The following NIPA1 variants were observed in gnomAD, a reference collection of about 807,000 sequenced individuals.
NIPA1 encodes magnesium transporter NIPA1.
Under a neutral mutation model 23.9 loss-of-function variants are expected in NIPA1, and 13 were observed. That is an observed-to-expected ratio of 0.54 (90% CI 0.35 to 0.87). NIPA1 has a LOEUF of 0.87. Ranked by LOEUF, NIPA1 falls within the 40% of genes least tolerant of loss-of-function variation. The probability of loss-of-function intolerance (pLI) is 0.01; values close to 1 mark genes in which losing one functional copy is unlikely to be tolerated. For synonymous variants in NIPA1, 234 were observed against 202.9 expected (o/e 1.15, Z -1.30); for missense variants, 362 against 429.7 (o/e 0.84, Z 1.39).
Position 22,827,490 on chromosome 15 carries a change from T to C in NIPA1, c.*3251T>C, listed in dbSNP as rs928924454. On this transcript the variant is annotated 3_prime_UTR_variant, in exon 5 of 5. Transcript: ENST00000337435. Reference sequence around the variant, plus strand: ...GGAGGAATTTGGTATTCTGGTGGCCTTGCTCAGCTCTCATTGAGATCTTTT... The same window carrying C: ...GGAGGAATTTGGTATTCTGGTGGCCCTGCTCAGCTCTCATTGAGATCTTTT... The C allele has an allele frequency of 6.6e-6, 1 of 152,258 alleles. No homozygotes were observed. The highest frequency in any genetic ancestry group is 1.5e-5 in the Non-Finnish European group (1 of 68,070). The allele number at this position is 152,258 out of a possible 1,614,324, so 9.4% of individuals were successfully genotyped here.
At chr15:22,821,040 C>T (rs1391602245) in intron 4 of NIPA1, among the ~76,000 whole-genome samples, 11 of 150,650 alleles carry the variant, frequency 7.3e-5, no homozygotes, top group African/African-American at 2.2e-4. Flanking sequence ...TGCAGTGGCG[C>T]GATCTCAGCT....
chr15:22,823,932 G>T lies in NIPA1; in HGVS notation c.683G>T (p.Cys228Phe), dbSNP rs1895597230. 1.2e-6 allele frequency: 2 copies of T among 1,614,212 alleles called. No individual in the cohort carries two copies. The change falls in exon 5 of 5, where the codon TGC becomes TTC. Residue 228 changes from cysteine to phenylalanine, a missense_variant. Coordinates refer to ENST00000337435, the MANE Select transcript of NIPA1 (RefSeq NM_144599.5). ...HNNPSSQRALCLCLVLLAVLG... is the reference protein window; with the variant it reads ...HNNPSSQRALFLCLVLLAVLG... Reference sequence around the variant, plus strand: ...AACCCGTCCAGTCAGAGAGCCCTCTGCCTGTGCCTGGTACTCCTGGCCGTG... The same window carrying T: ...AACCCGTCCAGTCAGAGAGCCCTCTTCCTGTGCCTGGTACTCCTGGCCGTG...
At chr15:22,820,987 T>TTG (rs1026654945) in intron 4 of NIPA1, among the ~76,000 whole-genome samples, 3 of 151,026 alleles carry the variant, frequency 2.0e-5, no homozygotes, top group Non-Finnish European at 3.0e-5. Context: ...TTTCTTTTTT[T>TTG]TTTTTTTGGA....
At position 22,822,550 on chromosome 15, in the gene NIPA1, C is replaced by T. The variant is rs1007417557; in HGVS notation, c.479-1178C>T. On this transcript the variant is annotated intron_variant, in intron 4 of 4. Coordinates refer to ENST00000337435, the MANE Select transcript of NIPA1 (RefSeq NM_144599.5). ...TATTGTTAAGAGAATGTTTCTAGGC[C>T]GGGCACAGTGGCTCACGCCTGTAAT... Among the ~76,000 whole-genome samples the T allele has an allele frequency of 7.9e-5, 12 of 152,276 alleles. No individual in the cohort carries two copies. The East Asian group carries it at 9.7e-4, about 12-fold the overall frequency.
At chr15:22,812,522 G>A (rs1355777593) in intron 3 of NIPA1, among the ~76,000 whole-genome samples, 3 of 151,872 alleles carry the variant, frequency 2.0e-5, no homozygotes, top group Non-Finnish European at 4.4e-5. Context: ...ACATGGTGGC[G>A]ACCACCTGTA....
intron 4 of NIPA1, 61 bp from the exon 5 acceptor site, chr15:22,823,667 C>T: frequency 2.0e-6 from 3 of 1,532,608 alleles, no homozygotes; most frequent in South Asian, 1.2e-5. Context: ...CCCCAGTCCA[C>T]CTCCTGGGTT....
At chr15:22,795,980 G>A (rs1395424973) in intron 1 of NIPA1, among the ~76,000 whole-genome samples, 7 of 152,052 alleles carry the variant, frequency 4.6e-5, no homozygotes, top group Non-Finnish European at 1.0e-4. Context: ...CGCCCAGGCT[G>A]GAGTACATTG....
chr15:22,811,903 C>T (rs751230986), intron 2 of NIPA1, among the ~76,000 whole-genome samples: 23 of 152,210 alleles, frequency 1.5e-4, no homozygotes, highest in South Asian at 1.0e-3. Context: ...CCCAGTGCTG[C>T]GCCCATTTCA....
In NIPA1 at chr15:22,806,803, G is replaced by A. The variant is rs527409317; in HGVS notation, c.179-3946G>A. On this transcript the variant is annotated intron_variant, in intron 1 of 4. Coordinates refer to ENST00000337435, the MANE Select transcript of NIPA1 (RefSeq NM_144599.5). Reference sequence around the variant, plus strand: ...TCCTAGGAGCTCCTGGCAAAAGAAGGAGGAGGGAAAATGGAGCAGCCAACT... The same window carrying A: ...TCCTAGGAGCTCCTGGCAAAAGAAGAAGGAGGGAAAATGGAGCAGCCAACT... 3.9e-5 allele frequency among the ~76,000 whole-genome samples: 6 copies of A among 152,300 alleles called. No individual in the cohort carries two copies. In the South Asian group the frequency reaches 1.2e-3, roughly 32 times the overall value.
intron 1 of NIPA1, among the ~76,000 whole-genome samples, 200 bp downstream of exon 1, chr15:22,787,034 C>G (rs1015412855): frequency 1.3e-5 from 2 of 151,856 alleles, no homozygotes; most frequent in Admixed American, 1.3e-4. Context: ...GGCCCGGGAG[C>G]GGCCCAGGAA....
intron 3 of NIPA1, chr15:22,813,530 T>G: frequency 2.4e-6 from 1 of 421,616 alleles, no homozygotes; most frequent in South Asian, 1.7e-5. Context: ...ATTTATATTC[T>G]GATTTGTCTT....
At chr15:22,787,905 A>G (rs995223909) in intron 1 of NIPA1, among the ~76,000 whole-genome samples, 4 of 152,186 alleles carry the variant, frequency 2.6e-5, no homozygotes, top group Non-Finnish European at 5.9e-5. Context: ...AAAATCATGG[A>G]TAATTTAAGG....
chr15:22,822,252 A>G (rs1895553837), intron 4 of NIPA1, among the ~76,000 whole-genome samples: 1 of 152,204 alleles, frequency 6.6e-6, no homozygotes, highest in Non-Finnish European at 1.5e-5. Context: ...TTTCATACAT[A>G]AAATAGTTTC....
intron 1 of NIPA1, among the ~76,000 whole-genome samples, chr15:22,803,722 C>A (rs1157699575): frequency 1.2e-4 from 17 of 136,196 alleles, no homozygotes; most frequent in Non-Finnish European, 1.7e-4. Context: ...CTCTGTCGCC[C>A]AGGCTGGAGT....
chr15:22,798,753 G>A (rs1406107472), intron 1 of NIPA1, among the ~76,000 whole-genome samples: 10 of 145,398 alleles, frequency 6.9e-5, no homozygotes, highest in South Asian at 2.2e-4. Flanking sequence ...GGAGAATGGC[G>A]TGAACCCGGG....
At chr15:22,799,739 A>G (rs948023468) in intron 1 of NIPA1, among the ~76,000 whole-genome samples, 16 of 150,798 alleles carry the variant, frequency 1.1e-4, no homozygotes, top group Non-Finnish European at 1.2e-4. Context: ...CCGAGATCGC[A>G]CCATTGCACT....
chr15:22,788,919 T>TAAAAAAAAA lies in NIPA1; in HGVS notation c.178+2095_178+2103dup, dbSNP rs199860403. ...GAGCGAGAAGAACAAGGCTCTGTCT[T>TAAAAAAAAA]AAAAAAAAAAAAAAAAAAGATAAAT... is the stretch of plus-strand genomic sequence containing the variant. On this transcript the variant is annotated intron_variant, in intron 1 of 4. Coordinates refer to ENST00000337435, the MANE Select transcript of NIPA1 (RefSeq NM_144599.5). Among the ~76,000 whole-genome samples the TAAAAAAAAA allele has an allele frequency of 1.6e-3, 126 of 78,774 alleles. 7 individuals carry two copies. The highest frequency in any genetic ancestry group is 4.8e-3 in the African/African-American group (93 of 19,570). The allele number at this position is 78,774 out of a possible 152,430, so 51.7% of individuals were successfully genotyped here. A position where few individuals can be genotyped will look rare whatever the true frequency, so the allele number is the denominator to read the frequency against.
chr15:22,818,009 A>G (rs2140873395), intron 3 of NIPA1, among the ~76,000 whole-genome samples: 1 of 152,284 alleles, frequency 6.6e-6, no homozygotes, highest in South Asian at 2.1e-4. Flanking sequence ...CACAAACAAC[A>G]GAAGGAAAAT....
chr15:22,820,796 G>C (rs987517903), intron 4 of NIPA1, among the ~76,000 whole-genome samples: 1 of 151,892 alleles, frequency 6.6e-6, no homozygotes, highest in Non-Finnish European at 1.5e-5. Context: ...ACCCTCCCAA[G>C]TCTGACTGCC....
Sources: allele counts gnomAD v4.1 joint callset (sites outside exome capture counted in the v4.1 genomes callset), GRCh38; gene constraint gnomAD v4.1.1; transcripts MANE v1.5; gene names NCBI Gene and HGNC (gene_info 2026-07-23, HGNC 2026-07-21).